Variants in PRSS23 observed in about 807,000 individuals in gnomAD.
PRSS23 encodes protease, serine 23.
Under a neutral mutation model 34.7 loss-of-function variants are expected in PRSS23, and 25 were observed. The ratio of observed to expected loss-of-function variants is 0.72; its 90% CI spans 0.53 to 1.01. PRSS23 has a LOEUF of 1.01. Among genes scored for constraint, PRSS23 ranks in the 50% least tolerant of loss-of-function variants. The probability of loss-of-function intolerance (pLI) is 0.00; values close to 1 mark genes in which losing one functional copy is unlikely to be tolerated. For synonymous variants in PRSS23, 176 were observed against 186.6 expected, an observed-to-expected ratio of 0.94 and a Z score of 0.46; for missense variants, 445 against 475.6, an observed-to-expected ratio of 0.94 and a Z score of 0.60.
At chr11:86,932,645 CTTTAA>C (rs1365526204) in intron 2 of PRSS23, 2 of 150,836 alleles carry the variant, frequency 1.3e-5, no homozygotes, top group African/African-American at 4.9e-5. Context: ...TGATTATTTG[CTTTAA>C]TTTAATGTTG....
At chr11:86,916,963 C>T (rs4944640) in intron 2 of PRSS23, among the ~76,000 whole-genome samples, 109,114 of 152,138 alleles carry the variant, frequency 0.72, 40,159 homozygotes, top group Middle Eastern at 0.83. Context: ...AGTTCATGTC[C>T]ATTGAATAAA....
intron 2 of PRSS23, among the ~76,000 whole-genome samples, chr11:86,879,966 C>T (rs1214945329): frequency 3.8e-4 from 58 of 151,746 alleles, no homozygotes; most frequent in African/African-American, 1.1e-3. Flanking sequence ...TCATTGAGAA[C>T]GGGCCATGAT....
intron 2 of PRSS23, among the ~76,000 whole-genome samples, chr11:86,865,571 AG>A (rs1260069182): frequency 6.6e-6 from 1 of 152,304 alleles, no homozygotes; most frequent in African/African-American, 2.4e-5. Flanking sequence ...GAGCTGCAGG[AG>A]GGAGAAAGCA....
At chr11:86,863,301 C>T (rs7102516) in intron 2 of PRSS23, among the ~76,000 whole-genome samples, 2 of 152,030 alleles carry the variant, frequency 1.3e-5, no homozygotes, top group Non-Finnish European at 2.9e-5. Context: ...TGTACACCCT[C>T]TGATATTATT....
chr11:86,928,734 C>A (rs1160519228), intron 2 of PRSS23, among the ~76,000 whole-genome samples: 3 of 103,634 alleles, frequency 2.9e-5, no homozygotes, highest in Admixed American at 1.2e-4. Context: ...GCATATAATA[C>A]ATTATGTTAT....
At chr11:86,885,374 C>T (rs1948796145) in intron 2 of PRSS23, among the ~76,000 whole-genome samples, 1 of 152,216 alleles carries the variant, frequency 6.6e-6, no homozygotes, top group Non-Finnish European at 1.5e-5. Flanking sequence ...GAGGCGAAGT[C>T]CCATATTCAC....
chr11:86,841,093 A>G (rs1463253380), intron 2 of PRSS23, among the ~76,000 whole-genome samples: 1 of 152,124 alleles, frequency 6.6e-6, no homozygotes, highest in Non-Finnish European at 1.5e-5. Flanking sequence ...TAATCCCAGC[A>G]TTTTGGGAGG....
At chr11:86,801,547 G>C (rs1948038493) in intron 1 of PRSS23, among the ~76,000 whole-genome samples, 1 of 152,196 alleles carries the variant, frequency 6.6e-6, no homozygotes, top group South Asian at 2.1e-4. Flanking sequence ...AGGGCTCCCT[G>C]TGCACTCCTT....
At chr11:86,939,431 T>TTTTTAAAAATATA (rs1555084022) in intron 2 of PRSS23, among the ~76,000 whole-genome samples, 1 of 141,752 alleles carries the variant, frequency 7.1e-6, no homozygotes, top group Admixed American at 7.0e-5. Context: ...TATATATTTT[T>TTTTTAAAAATATA]TAACATGAGT....
At chr11:86,887,921 G>A (rs1004727428) in intron 2 of PRSS23, among the ~76,000 whole-genome samples, 3 of 151,862 alleles carry the variant, frequency 2.0e-5, no homozygotes, top group Admixed American at 6.6e-5. Flanking sequence ...GTGTGGTGGC[G>A]GGCGCCTGTA....
intron 2 of PRSS23, among the ~76,000 whole-genome samples, chr11:86,871,608 C>G (rs1948684785): frequency 6.6e-6 from 1 of 152,216 alleles, no homozygotes; most frequent in African/African-American, 2.4e-5. Context: ...CTTCCCAAAT[C>G]ATTTTGTAAG....
intron 2 of PRSS23, chr11:86,833,009 A>G: frequency 4.7e-6 from 2 of 428,332 alleles, no homozygotes; most frequent in Non-Finnish European, 8.7e-6. Context: ...ACTGAGAAAA[A>G]AAAAAACACA....
chr11:86,857,790 C>T (rs886951434), intron 2 of PRSS23: 114 of 1,024,384 alleles, frequency 1.1e-4, no homozygotes, highest in East Asian at 1.9e-4. Context: ...GAACTGTGGC[C>T]GAGGTGAAAC....
intron 2 of PRSS23, among the ~76,000 whole-genome samples, chr11:86,894,256 C>CG (rs1948860752): frequency 3.3e-5 from 5 of 152,158 alleles, no homozygotes; most frequent in Non-Finnish European, 7.3e-5. Context: ...GTGATCTGCC[C>CG]GCCTTGGCCT....
intron 2 of PRSS23, among the ~76,000 whole-genome samples, chr11:86,858,607 G>A (rs996876969): frequency 4.0e-5 from 6 of 151,798 alleles, no homozygotes; most frequent in African/African-American, 1.5e-4. Flanking sequence ...GATCCAGGGG[G>A]GAGAGGATGA....
At chr11:86,805,921 C>T (rs777739132) in intron 1 of PRSS23, among the ~76,000 whole-genome samples, 1 of 152,104 alleles carries the variant, frequency 6.6e-6, no homozygotes, top group East Asian at 1.9e-4. Flanking sequence ...CTCTTGAGAC[C>T]CACCCCTTCC....
upstream of PRSS23, among the ~76,000 whole-genome samples, chr11:86,797,603 G>A (rs1341755562): frequency 2.0e-5 from 3 of 152,148 alleles, no homozygotes; most frequent in East Asian, 5.8e-4. Context: ...TCTGAGTGAT[G>A]GGAATAATCA....
At chr11:86,804,288 GCC>G (rs1415915308) in intron 1 of PRSS23, among the ~76,000 whole-genome samples, 3 of 152,170 alleles carry the variant, frequency 2.0e-5, no homozygotes, top group Non-Finnish European at 4.4e-5. Context: ...AAATATCTAA[GCC>G]TAATCAGTTT....
At chr11:86,795,818 T>C (rs1295246669), upstream of PRSS23, among the ~76,000 whole-genome samples, 1 of 152,222 alleles carries the variant, frequency 6.6e-6, no homozygotes, top group Non-Finnish European at 1.5e-5. Flanking sequence ...TGAAACCATA[T>C]GGAAATGATT....
Sources: gnomAD v4.1 joint callset for allele counts (sites outside exome capture counted in the v4.1 genomes callset) on GRCh38, gnomAD v4.1.1 for gene constraint, MANE v1.5 for transcripts, NCBI Gene and HGNC (gene_info 2026-07-23, HGNC 2026-07-21) for gene names.